The following DENND2A variants were observed in gnomAD, a reference collection of about 807,000 sequenced individuals.
DENND2A encodes the protein DENN domain-containing protein 2A.
In DENND2A, 53 loss-of-function variants were observed where a neutral mutation model predicts 105.3. The observed-to-expected ratio is 0.50, with a 90% CI of 0.40 to 0.63. The LOEUF (loss-of-function observed/expected upper bound fraction) is 0.63. DENND2A is among the 30% of genes least tolerant of loss of function. The pLI is 0.00. For missense variants in DENND2A, 1,138 were observed against 1,279.6 expected, an observed-to-expected ratio of 0.89 and a Z score of 1.69; for synonymous variants, 522 against 508.4, an observed-to-expected ratio of 1.03 and a Z score of -0.36.
intron 15 of DENND2A, 72 bp from the exon 16 acceptor site, chr7:140,525,864 T>C: frequency 7.5e-7 from 1 of 1,332,646 alleles, no homozygotes; most frequent in East Asian, 2.7e-5. Flanking sequence ...CATAGCCTTC[T>C]TCCTTCTTGG....
At chr7:140,544,972 G>A in intron 13 of DENND2A, 3 of 647,912 alleles carry the variant, frequency 4.6e-6, no homozygotes, top group Non-Finnish European at 5.8e-6. Flanking sequence ...CTTTGGTAGG[G>A]AAGCAAGCGT....
chr7:140,523,322 G>C lies in DENND2A; in HGVS notation c.2650C>G (p.Leu884Val), dbSNP rs778605332. The change falls in exon 17 of 20, where the codon CTA becomes GTA. Residue 884 changes from leucine (L) to valine (V), a missense_variant. Coordinates refer to ENST00000496613, the MANE Select transcript of DENND2A (RefSeq NM_015689.5). This position sits in a 1 kb window ranked among gnomAD's most constrained non-coding sequence, Gnocchi z 4.5. The stretch of plus-strand genomic sequence containing the variant: ...GAACACTTACCGTGCCTGCCGTCTA[G>C]GGGCCCTTCGTCCTGCTCACAAGCC... ...ELACEQDEGP[L>V]DGRHGPESSP... 1.5e-4 allele frequency: 249 copies of C among 1,614,162 alleles called. No homozygotes were observed. The highest frequency in any genetic ancestry group is 2.0e-4 in the Non-Finnish European group (237 of 1,180,016).
intron 1 of DENND2A, among the ~76,000 whole-genome samples, chr7:140,639,245 G>A (rs531042844): frequency 1.5e-3 from 223 of 151,866 alleles, no homozygotes; most frequent in Middle Eastern, 6.8e-3. Context: ...CCAGCTACTC[G>A]GGAAGCTGAG....
At chr7:140,610,996 CCTGA>C (rs1799875187) in intron 1 of DENND2A, among the ~76,000 whole-genome samples, 1 of 152,248 alleles carries the variant, frequency 6.6e-6, no homozygotes, top group Non-Finnish European at 1.5e-5. Context: ...CAACTAGTGG[CCTGA>C]GGCCTGGCCT....
chr7:140,634,219 T>C (rs371503628), intron 1 of DENND2A, among the ~76,000 whole-genome samples: 5 of 151,832 alleles, frequency 3.3e-5, no homozygotes, highest in African/African-American at 1.2e-4. Flanking sequence ...AGGACCGTCT[T>C]GATCTCCTGA....
intron 13 of DENND2A, 109 bp downstream of exon 13, chr7:140,546,690 G>C: frequency 4.3e-6 from 6 of 1,388,018 alleles, no homozygotes; most frequent in Non-Finnish European, 4.9e-6. Flanking sequence ...GTGGGGAGAA[G>C]ACACCAAGGA....
At chr7:140,596,008 T>C (rs1799270162) in intron 3 of DENND2A, among the ~76,000 whole-genome samples, 1 of 152,160 alleles carries the variant, frequency 6.6e-6, no homozygotes, top group Non-Finnish European at 1.5e-5. Flanking sequence ...AGACTTCCGT[T>C]AGCTCTCAGC....
At chr7:140,522,214 AACT>A in intron 17 of DENND2A, 114 bp from the exon 18 acceptor site, 1 of 1,357,716 alleles carries the variant, frequency 7.4e-7, no homozygotes, top group Non-Finnish European at 1.0e-6. Context: ...CCTTGATGGA[AACT>A]GCGATTATCC....
intron 1 of DENND2A, among the ~76,000 whole-genome samples, chr7:140,624,378 A>G (rs1392064844): frequency 6.6e-6 from 1 of 152,084 alleles, no homozygotes; most frequent in Non-Finnish European, 1.5e-5. Flanking sequence ...CAACAACAAC[A>G]ACAACAAACT....
intron 4 of DENND2A, among the ~76,000 whole-genome samples, 199 bp from the exon 5 acceptor site, chr7:140,585,909 T>C (rs1322201390): frequency 1.3e-5 from 2 of 152,164 alleles, no homozygotes; most frequent in Admixed American, 6.5e-5. Flanking sequence ...TTTGTGGCCA[T>C]GGGAGATTAA....
chr7:140,533,430 C>G (rs548390484), intron 14 of DENND2A, among the ~76,000 whole-genome samples: 1 of 152,208 alleles, frequency 6.6e-6, no homozygotes, highest in African/African-American at 2.4e-5. Flanking sequence ...CCTATGTTGC[C>G]TTCAGTGACA....
intron 1 of DENND2A, among the ~76,000 whole-genome samples, chr7:140,634,156 G>A (rs1800835850): frequency 6.6e-6 from 1 of 151,830 alleles, no homozygotes; most frequent in African/African-American, 2.4e-5. Context: ...CCGCCACCAC[G>A]CCCGGCTAAT....
intron 5 of DENND2A, among the ~76,000 whole-genome samples, chr7:140,577,489 G>A (rs953294613): frequency 6.6e-6 from 1 of 150,740 alleles, no homozygotes; most frequent in Non-Finnish European, 1.5e-5. Flanking sequence ...CCTCCACCTC[G>A]CGGGTTCAAG....
intron 18 of DENND2A, among the ~76,000 whole-genome samples, chr7:140,520,478 C>T (rs780889132): frequency 6.6e-6 from 1 of 151,860 alleles, no homozygotes; most frequent in Non-Finnish European, 1.5e-5. Flanking sequence ...TCTCTTAAGC[C>T]GCTTCTCAGA....
intron 1 of DENND2A, among the ~76,000 whole-genome samples, chr7:140,620,445 TG>T (rs926877894): frequency 1.7e-4 from 26 of 152,046 alleles, no homozygotes; most frequent in African/African-American, 6.3e-4. Flanking sequence ...TAGTTGCCAT[TG>T]GGTAAGAGAC....
intron 5 of DENND2A, among the ~76,000 whole-genome samples, chr7:140,581,147 C>T (rs1023175168): frequency 6.6e-6 from 1 of 151,994 alleles, no homozygotes; most frequent in African/African-American, 2.4e-5. Flanking sequence ...TGCCTGTAAT[C>T]TCAGCTAGTC....
chr7:140,519,928 G>A lies in DENND2A; in HGVS notation c.2912-210C>T, dbSNP rs367768446. Among the ~76,000 whole-genome samples, 109 of 152,214 alleles carry A rather than the reference G, an allele frequency of 7.2e-4. 3 individuals carry two copies. The South Asian group carries it at 0.02, about 28-fold the overall frequency. On this transcript the variant is annotated intron_variant, in intron 18 of 19. Coordinates refer to ENST00000496613, the MANE Select transcript of DENND2A (RefSeq NM_015689.5). ...GTAACTCCCTTTGGAAAGCTATAAAGCCACCTCATAGATGAAATCCTATTT... is the reference window on the plus strand; with the variant it reads ...GTAACTCCCTTTGGAAAGCTATAAAACCACCTCATAGATGAAATCCTATTT...
chr7:140,573,859 G>GA lies in DENND2A; in HGVS notation c.1394dup (p.Phe466LeufsTer2), dbSNP rs1563151407. ...CGTTCTGTGGGTCTCCAAGGTTAAAGAAAATGTCATCAGGGCTGCTGGGAG... is the reference window on the plus strand; with the variant it reads ...CGTTCTGTGGGTCTCCAAGGTTAAAGAAAAATGTCATCAGGGCTGCTGGGAG... On this transcript the variant is annotated frameshift_variant, in exon 6 of 20. Transcript: ENST00000496613. LOFTEE classifies it high-confidence loss of function. 1 of 1,614,088 alleles carries GA rather than the reference G, an allele frequency of 6.2e-7. No individual in the cohort carries two copies. The highest frequency in any genetic ancestry group is 1.1e-5 in the South Asian group (1 of 91,066).
intron 7 of DENND2A, 49 bp from the exon 8 acceptor site, chr7:140,568,862 T>G: frequency 6.4e-7 from 1 of 1,569,884 alleles, no homozygotes; most frequent in South Asian, 1.1e-5. Context: ...GTTCTTCTCA[T>G]GTAGGAAACT....
Sources: gnomAD v4.1 joint callset for allele counts (sites outside exome capture counted in the v4.1 genomes callset) on GRCh38, gnomAD v4.1.1 for gene constraint, Gnocchi (gnomAD v3.1) non-coding constraint, MANE v1.5 for transcripts, NCBI Gene and HGNC (gene_info 2026-07-23, HGNC 2026-07-21) for gene names.